The following TMEM51 variants were observed in gnomAD, a reference collection of about 807,000 sequenced individuals.
TMEM51 encodes the protein transmembrane protein 51, also known as chromosome 1 open reading frame 72.
A neutral mutation model predicts 13.6 loss-of-function variants in TMEM51; 8 were observed. The ratio of observed to expected loss-of-function variants is 0.59; its 90% CI spans 0.35 to 1.07. TMEM51 has a LOEUF of 1.07. Among genes scored for constraint, TMEM51 ranks in the 50% least tolerant of loss-of-function variants. The probability of loss-of-function intolerance (pLI) is 0.02; values close to 1 mark genes in which losing one functional copy is unlikely to be tolerated. For missense variants in TMEM51, 279 were observed against 330.7 expected, an observed-to-expected ratio of 0.84 and a Z score of 1.21; for synonymous variants, 147 against 144.4, an observed-to-expected ratio of 1.02 and a Z score of -0.13.
chr1:15,195,355 G>A (rs528606739), intron 1 of TMEM51, among the ~76,000 whole-genome samples: 4 of 152,034 alleles, frequency 2.6e-5, no homozygotes, highest in Non-Finnish European at 4.4e-5. Flanking sequence ...ATCTCAACAC[G>A]TAATTAATAT....
At chr1:15,211,805 A>G (rs1418573336) in intron 2 of TMEM51, among the ~76,000 whole-genome samples, 2 of 133,394 alleles carry the variant, frequency 1.5e-5, no homozygotes, top group East Asian at 2.3e-4. Context: ...CAATCATGGT[A>G]CAAGTCTGAA....
intron 1 of TMEM51, among the ~76,000 whole-genome samples, chr1:15,166,241 C>T (rs1177283508): frequency 2.0e-5 from 3 of 152,194 alleles, no homozygotes; most frequent in Non-Finnish European, 2.9e-5. Flanking sequence ...ATGCATCCCA[C>T]AGGGATTACT....
chr1:15,170,408 A>G (rs1320079253), intron 1 of TMEM51, among the ~76,000 whole-genome samples: 1 of 148,558 alleles, frequency 6.7e-6, no homozygotes, highest in Non-Finnish European at 1.5e-5. Context: ...TTCCAGTTTC[A>G]AGCGATTCTC....
chr1:15,168,429 T>C (rs1320658091), intron 1 of TMEM51: 1 of 1,254,492 alleles, frequency 8.0e-7, no homozygotes, highest in African/African-American at 1.6e-5. Context: ...TAGATAAATG[T>C]ATAATGAGCT....
intron 1 of TMEM51, among the ~76,000 whole-genome samples, chr1:15,204,201 G>A (rs924510468): frequency 1.3e-5 from 2 of 152,214 alleles, no homozygotes; most frequent in Admixed American, 6.5e-5. Context: ...ACAGGCTCCA[G>A]CTTCTCTTCC....
At chr1:15,195,129 C>T (rs1009185675) in intron 1 of TMEM51, among the ~76,000 whole-genome samples, 3 of 151,614 alleles carry the variant, frequency 2.0e-5, no homozygotes, top group Admixed American at 1.3e-4. Context: ...GATGGGGTTT[C>T]GTCATGTTGC....
intron 1 of TMEM51, chr1:15,192,127 T>C (rs1424178800): frequency 4.4e-6 from 2 of 459,564 alleles, no homozygotes; most frequent in African/African-American, 2.0e-5. Flanking sequence ...CTGTCCGTTT[T>C]GATGAACAGC....
chr1:15,182,168 A>G (rs1212749837), intron 1 of TMEM51, among the ~76,000 whole-genome samples: 1 of 84,346 alleles, frequency 1.2e-5, no homozygotes, highest in Non-Finnish European at 2.1e-5. Context: ...TCTCAAATAA[A>G]TAAATAAATA....
At chr1:15,153,397 A>G (rs146618783), upstream of TMEM51, among the ~76,000 whole-genome samples, 2,868 of 147,852 alleles carry the variant, frequency 0.019, 39 homozygotes, top group Admixed American at 0.028. Context: ...CGTCACACAC[A>G]CGCGCGTGCG....
chr1:15,196,774 T>C (rs1409444645), intron 1 of TMEM51, among the ~76,000 whole-genome samples: 1 of 152,256 alleles, frequency 6.6e-6, no homozygotes, highest in African/African-American at 2.4e-5. Flanking sequence ...TGAACAAGTA[T>C]GTGCATTAAA....
chr1:15,174,744 A>G (rs745365394), intron 1 of TMEM51, among the ~76,000 whole-genome samples: 1 of 152,080 alleles, frequency 6.6e-6, no homozygotes, highest in Admixed American at 6.5e-5. Context: ...GCAGTGTTCA[A>G]TTTCTGGCGA....
chr1:15,180,723 T>C (rs1557840939), intron 1 of TMEM51, among the ~76,000 whole-genome samples: 2 of 152,188 alleles, frequency 1.3e-5, no homozygotes, highest in East Asian at 3.8e-4. Context: ...CCGTACTTCT[T>C]CCCTCACAGA....
chr1:15,163,091 T>G (rs1415691061), intron 1 of TMEM51, among the ~76,000 whole-genome samples: 1 of 152,014 alleles, frequency 6.6e-6, no homozygotes, highest in Non-Finnish European at 1.5e-5. Flanking sequence ...GATAGTCATT[T>G]GGCCATATCA....
chr1:15,183,298 G>A (rs980586694), intron 1 of TMEM51, among the ~76,000 whole-genome samples: 1 of 152,150 alleles, frequency 6.6e-6, no homozygotes, highest in East Asian at 1.9e-4. Flanking sequence ...TTATGCATCC[G>A]TCATGTGCGT....
chr1:15,214,953 A>G lies in TMEM51; in HGVS notation c.-135A>G. ...TCGCGATTGCTCGGAACCATCCCGC[A>G]GGAGTTCAGCTGATATTTTCTAGTG... is the stretch of plus-strand genomic sequence containing the variant. On this transcript the variant is annotated 5_prime_UTR_variant, in exon 3 of 4. Transcript: ENST00000376008. 2.3e-6 allele frequency: 2 copies of G among 855,060 alleles called. No individual in the cohort carries two copies. The highest frequency in any genetic ancestry group is 3.5e-6 in the Non-Finnish European group (2 of 567,028). The allele number at this position is 855,060 out of a possible 1,614,324, so 53.0% of individuals were successfully genotyped here. A position where few individuals can be genotyped will look rare whatever the true frequency, so the allele number is the denominator to read the frequency against.
At chr1:15,165,470 C>T (rs988275972) in intron 1 of TMEM51, among the ~76,000 whole-genome samples, 1 of 152,154 alleles carries the variant, frequency 6.6e-6, no homozygotes, top group Non-Finnish European at 1.5e-5. Flanking sequence ...TTAAATAATG[C>T]TAACTGGGAG....
At chr1:15,165,905 T>C (rs1025445478) in intron 1 of TMEM51, among the ~76,000 whole-genome samples, 1 of 146,916 alleles carries the variant, frequency 6.8e-6, no homozygotes, top group Non-Finnish European at 1.5e-5. Context: ...GCCACTGCAC[T>C]CCAGCCTGGG....
Position 15,215,289 on chromosome 1 carries a change from G to C in TMEM51, c.202G>C (p.Val68Leu), listed in dbSNP as rs759766365. Residue 68 changes from valine to leucine, a missense_variant, in exon 3 of 4, where the codon GTG becomes CTG. By Grantham distance (32) the Val-to-Leu change is conservative (BLOSUM62 1). Transcript: ENST00000376008. Reference protein sequence around the residue: ...LKSKTFSVAYVLVGAGVMLLL... With the variant: ...LKSKTFSVAYLLVGAGVMLLL... ...GAGCAAGACCTTCTCTGTGGCCTACGTGCTGGTCGGGGCCGGGGTGATGCT... is the reference window on the plus strand; with the variant it reads ...GAGCAAGACCTTCTCTGTGGCCTACCTGCTGGTCGGGGCCGGGGTGATGCT... 1.2e-6 allele frequency: 2 copies of C among 1,614,212 alleles called. No individual in the cohort carries two copies. Among genetic ancestry groups the C allele is most frequent in the Non-Finnish European group, 1.7e-6 (2 of 1,180,044 alleles).
chr1:15,202,013 C>T (rs1158268056), intron 1 of TMEM51, among the ~76,000 whole-genome samples: 1 of 152,158 alleles, frequency 6.6e-6, no homozygotes, highest in East Asian at 1.9e-4. Context: ...CTTGTCCTGT[C>T]GTCAGCACTT....
Sources: gnomAD v4.1 joint callset for allele counts (sites outside exome capture counted in the v4.1 genomes callset) on GRCh38, gnomAD v4.1.1 for gene constraint, MANE v1.5 for transcripts, NCBI Gene and HGNC (gene_info 2026-07-23, HGNC 2026-07-21) for gene names.